EPHA7: variants seen among roughly 807,000 people sequenced by gnomAD.
The protein encoded by EPHA7 is EPH receptor A7.
Under a neutral mutation model 112.6 loss-of-function variants are expected in EPHA7, and 25 were observed. The ratio of observed to expected loss-of-function variants is 0.22; its 90% confidence interval spans 0.16 to 0.31. EPHA7 has a LOEUF of 0.31. Among genes scored for constraint, EPHA7 ranks in the 10% least tolerant of loss-of-function variants. EPHA7 has a pLI of 1.00. For synonymous variants in EPHA7, 437 were observed against 406.5 expected (o/e 1.07, Z -0.90); for missense variants, 962 against 1,212.6 (o/e 0.79, Z 3.07).
chr6:93,394,546 C>T (rs951402917), intron 3 of EPHA7, among the ~76,000 whole-genome samples: 1 of 151,682 alleles, frequency 6.6e-6, no homozygotes. Context: ...TGTAAGATCT[C>T]ATCTGATTTT....
chr6:93,373,610 G>A (rs2127962632), intron 3 of EPHA7, among the ~76,000 whole-genome samples: 1 of 152,108 alleles, frequency 6.6e-6, no homozygotes, highest in South Asian at 2.1e-4. Flanking sequence ...TTATCACACA[G>A]TATTATGTGA....
chr6:93,308,980 G>A (rs1420236119), intron 5 of EPHA7, among the ~76,000 whole-genome samples: 1 of 149,280 alleles, frequency 6.7e-6, no homozygotes, highest in Non-Finnish European at 1.5e-5. Flanking sequence ...ACAGAGTCTT[G>A]CTCTGTCGCC....
chr6:93,344,736 G>A (rs1483374074), intron 5 of EPHA7, among the ~76,000 whole-genome samples: 1 of 151,502 alleles, frequency 6.6e-6, no homozygotes, highest in Non-Finnish European at 1.5e-5. Context: ...TGTGACACTT[G>A]ATTCTATGAT....
Position 93,374,131 on chromosome 6 carries a change from T to C in EPHA7, c.833-15720A>G, listed in dbSNP as rs537635207. On this transcript the variant is annotated intron_variant, in intron 3 of 16. Transcript: ENST00000369303. Reference sequence around the variant, plus strand: ...AAAATATTCAGGTCAAATCTAGAGATAGTTCTATGAAGGAGTACACTATGT... The same window carrying C: ...AAAATATTCAGGTCAAATCTAGAGACAGTTCTATGAAGGAGTACACTATGT... 1.7e-4 allele frequency among the ~76,000 whole-genome samples: 26 copies of C among 152,214 alleles called. No individual in the cohort carries two copies. In the East Asian group the frequency reaches 3.5e-3, roughly 20 times the overall value.
At chr6:93,286,012 T>C (rs993716115) in intron 5 of EPHA7, among the ~76,000 whole-genome samples, 5 of 152,182 alleles carry the variant, frequency 3.3e-5, no homozygotes, top group African/African-American at 1.2e-4. Context: ...ACAGAAAACA[T>C]GGCCTGCAGG....
intron 5 of EPHA7, among the ~76,000 whole-genome samples, chr6:93,331,819 T>C (rs554799877): frequency 3.3e-5 from 5 of 151,732 alleles, no homozygotes; most frequent in African/African-American, 1.2e-4. Context: ...TCAGCTACTA[T>C]TGTAAACCAC....
At chr6:93,356,492 C>T (rs531192637) in intron 5 of EPHA7, among the ~76,000 whole-genome samples, 29 of 152,178 alleles carry the variant, frequency 1.9e-4, no homozygotes, top group South Asian at 8.3e-4. Flanking sequence ...TGTGAGCCAC[C>T]GCGCCTGGCC....
At chr6:93,369,077 A>G (rs1776651035) in intron 3 of EPHA7, among the ~76,000 whole-genome samples, 1 of 151,986 alleles carries the variant, frequency 6.6e-6, no homozygotes, top group African/African-American at 2.4e-5. Flanking sequence ...AGAAAATAAC[A>G]AGCAGAATAA....
chr6:93,253,783 T>C (rs942766394), intron 14 of EPHA7, among the ~76,000 whole-genome samples: 3 of 152,152 alleles, frequency 2.0e-5, no homozygotes, highest in African/African-American at 7.2e-5. Flanking sequence ...ACCAGATTTT[T>C]AGTACAATCC....
intron 3 of EPHA7, among the ~76,000 whole-genome samples, chr6:93,404,236 A>C (rs143126326): frequency 3.3e-5 from 5 of 152,238 alleles, no homozygotes; most frequent in Non-Finnish European, 7.4e-5. Context: ...ACTGGAATCA[A>C]AAAGAGAATG....
At position 93,314,885 on chromosome 6, in the gene EPHA7, C is replaced by T. The variant is rs1409501392; in HGVS notation, c.1324+41832G>A. ...TTTTTTTTTTTTTTTTTTTTTGAGACGGAGTCTCGCTCTGTCGCCCAGGCT... is the reference window on the plus strand; with the variant it reads ...TTTTTTTTTTTTTTTTTTTTTGAGATGGAGTCTCGCTCTGTCGCCCAGGCT... On this transcript the variant is annotated intron_variant, in intron 5 of 16. Coordinates refer to ENST00000369303, the MANE Select transcript of EPHA7 (RefSeq NM_004440.4). Among the ~76,000 whole-genome samples, 18 of 106,348 alleles carry T rather than the reference C, an allele frequency of 1.7e-4. No individual in the cohort carries two copies. The South Asian group carries it at 3.6e-3, about 21-fold the overall frequency. 69.8% of individuals were successfully genotyped at this position (106,348 alleles called of 152,430 possible).
chr6:93,243,347 G>T lies in EPHA7; in HGVS notation c.*79C>A. On this transcript the variant is annotated 3_prime_UTR_variant, in exon 17 of 17. Transcript: ENST00000369303. ...GACCCAGGACATCACTTGTCTTCTA[G>T]CAGCATTCTATGCATATACTGAAGG... is the stretch of plus-strand genomic sequence containing the variant. 2 of 1,051,126 alleles carry T rather than the reference G, an allele frequency of 1.9e-6. No homozygotes were observed. The highest frequency in any genetic ancestry group is 1.9e-5 in the Admixed American group (1 of 54,014). 65.1% of individuals were successfully genotyped at this position (1,051,126 alleles called of 1,614,324 possible).
At chr6:93,256,527 T>A (rs1287387485) in intron 12 of EPHA7, among the ~76,000 whole-genome samples, 1 of 152,138 alleles carries the variant, frequency 6.6e-6, no homozygotes, top group Non-Finnish European at 1.5e-5. Flanking sequence ...GTAATTGTAG[T>A]GGCCACTTTG....
At chr6:93,359,628 A>C (rs1305851727) in intron 3 of EPHA7, among the ~76,000 whole-genome samples, 1 of 151,950 alleles carries the variant, frequency 6.6e-6, no homozygotes, top group African/African-American at 2.4e-5. Flanking sequence ...AACAATCCTA[A>C]AGTACTGAGA....
Position 93,356,959 on chromosome 6 carries a change from T to C in EPHA7, c.1082A>G (p.Asn361Ser). 1 of 1,614,188 alleles carries C rather than the reference T, an allele frequency of 6.2e-7. No homozygotes were observed. Among genetic ancestry groups the C allele is most frequent in the South Asian group, 1.1e-5 (1 of 91,084 alleles). ...WSPPADNGGR[N>S]DVTYRILCKR... ...ACACAATATTCTGTAGGTCACATCG[T>C]TTCTTCCCCCATTGTCTGCAGGAGG... Residue 361 changes from asparagine (N) to serine (S), a missense_variant, in exon 5 of 17, where the codon AAC (asparagine) becomes AGC (serine). Physicochemically the swap from Asn to Ser is conservative, Grantham distance 46. Around this residue, in one of 3 missense-constraint regions of EPHA7, gnomAD observed 746 missense variants for 889.2 expected, o/e 0.84. Transcript: ENST00000369303.
intron 5 of EPHA7, among the ~76,000 whole-genome samples, chr6:93,274,709 G>A (rs1771388913): frequency 6.6e-6 from 1 of 151,716 alleles, no homozygotes; most frequent in Non-Finnish European, 1.5e-5. Flanking sequence ...CTAGCACATG[G>A]CCCTTGAGAA....
chr6:93,381,163 T>A lies in EPHA7; in HGVS notation c.833-22752A>T, dbSNP rs533778946. On this transcript the variant is annotated intron_variant, in intron 3 of 16. Transcript: ENST00000369303. ...TTCAAAGAATTTACATTTGCCATTT[T>A]AAAATTTATCTATTTTTAGTGCTCC... is the stretch of plus-strand genomic sequence containing the variant. Among the ~76,000 whole-genome samples the A allele has an allele frequency of 5.6e-4, 85 of 152,350 alleles. 1 individual carries two copies. In the East Asian group the frequency reaches 0.014, roughly 26 times the overall value.
At chr6:93,382,320 G>A (rs1476168175) in intron 3 of EPHA7, among the ~76,000 whole-genome samples, 1 of 152,092 alleles carries the variant, frequency 6.6e-6, no homozygotes, top group Non-Finnish European at 1.5e-5. Flanking sequence ...TTAAAAGTAT[G>A]TAACCTAGGT....
At chr6:93,383,331 G>C (rs951856699) in intron 3 of EPHA7, among the ~76,000 whole-genome samples, 1 of 151,612 alleles carries the variant, frequency 6.6e-6, no homozygotes, top group Non-Finnish European at 1.5e-5. Context: ...TTGTGTGTGT[G>C]TGTGTGTGTG....
Sources: gnomAD v4.1 joint callset for allele counts (sites outside exome capture counted in the v4.1 genomes callset) on GRCh38, gnomAD v4.1.1 for gene constraint, gnomAD v4.1.1 regional missense constraint, MANE v1.5 for transcripts, NCBI Gene and HGNC (gene_info 2026-07-23, HGNC 2026-07-21) for gene names.